TENM2: variants seen among roughly 807,000 people sequenced by gnomAD.
TENM2 encodes teneurin-2.
TENM2 carries 52 observed loss-of-function variants against 245.2 expected under a neutral mutation model. That is an observed-to-expected ratio of 0.21 (90% confidence interval 0.17 to 0.27). The LOEUF (loss-of-function observed/expected upper bound fraction) is 0.27, where lower values mean the gene tolerates loss of function less well. Ranked by LOEUF, TENM2 falls within the 10% of genes least tolerant of loss-of-function variation. The pLI, the probability that TENM2 is intolerant of heterozygous loss-of-function variation, is 1.00. For missense variants in TENM2, 3,046 were observed against 3,666.8 expected (o/e 0.83, Z 4.37); for synonymous variants, 1,363 against 1,438.9 (o/e 0.95, Z 1.19).
intron 2 of TENM2, among the ~76,000 whole-genome samples, chr5:167,466,458 A>G (rs1274624897): frequency 2.6e-5 from 4 of 152,220 alleles, no homozygotes; most frequent in Admixed American, 2.0e-4. Flanking sequence ...ATGTGTCTCA[A>G]TGCATACAAT....
intron 2 of TENM2, among the ~76,000 whole-genome samples, chr5:167,829,331 A>G (rs1768263612): frequency 1.3e-5 from 2 of 152,238 alleles, no homozygotes. Flanking sequence ...TTGAGGATAC[A>G]GTCTGGCTAC....
intron 2 of TENM2, among the ~76,000 whole-genome samples, chr5:167,651,120 A>G (rs1754431307): frequency 6.6e-6 from 1 of 151,862 alleles, no homozygotes. Context: ...AATTAGATGA[A>G]TACTCCTCAG....
chr5:168,100,956 C>T (rs999362016), intron 9 of TENM2, among the ~76,000 whole-genome samples: 3 of 151,656 alleles, frequency 2.0e-5, no homozygotes, highest in African/African-American at 7.3e-5. Flanking sequence ...AGATGCTGCC[C>T]GACAGCTCTC....
intron 2 of TENM2, among the ~76,000 whole-genome samples, chr5:167,517,216 T>A (rs1042749088): frequency 1.3e-5 from 2 of 152,188 alleles, no homozygotes; most frequent in African/African-American, 2.4e-5. Context: ...TCACAGACAC[T>A]TCATTGTAAT....
the TENM2 span, among the ~76,000 whole-genome samples, chr5:167,017,377 A>G: frequency 6.6e-6 from 1 of 152,188 alleles, no homozygotes; most frequent in Non-Finnish European, 1.5e-5. Flanking sequence ...CAGTTTCCCT[A>G]TGTGTACAAA....
At chr5:168,010,696 A>T (rs2152073437) in intron 5 of TENM2, among the ~76,000 whole-genome samples, 1 of 152,328 alleles carries the variant, frequency 6.6e-6, no homozygotes, top group Admixed American at 6.5e-5. Context: ...AAGCCCTGAA[A>T]ATTATTGGAA....
At chr5:168,110,734 T>A (rs1272153678) in intron 9 of TENM2, among the ~76,000 whole-genome samples, 2 of 152,212 alleles carry the variant, frequency 1.3e-5, no homozygotes, top group Admixed American at 1.3e-4. Context: ...AAAAGCTTAC[T>A]GTGTACTCCG....
At chr5:168,194,669 G>A (rs1437312950) in intron 14 of TENM2, among the ~76,000 whole-genome samples, 2 of 152,058 alleles carry the variant, frequency 1.3e-5, no homozygotes, top group African/African-American at 4.8e-5. Flanking sequence ...GAGAAATTTT[G>A]CTCTTAGAGG....
intron 4 of TENM2, among the ~76,000 whole-genome samples, chr5:167,991,227 G>A (rs1295543142): frequency 6.6e-6 from 1 of 152,180 alleles, no homozygotes; most frequent in East Asian, 1.9e-4. Context: ...GGAAATAACT[G>A]TAGTAACATT....
chr5:167,452,321 C>G (rs897705311), intron 2 of TENM2, among the ~76,000 whole-genome samples: 1 of 152,114 alleles, frequency 6.6e-6, no homozygotes, highest in Non-Finnish European at 1.5e-5. Flanking sequence ...TGTTATGGCT[C>G]TCTTGTCTTC....
chr5:168,066,828 G>A (rs1790548601), intron 7 of TENM2, among the ~76,000 whole-genome samples: 2 of 152,168 alleles, frequency 1.3e-5, no homozygotes, highest in Admixed American at 6.5e-5. Context: ...GATTTGCTCA[G>A]CCCTGGTTCT....
the TENM2 span, among the ~76,000 whole-genome samples, chr5:166,980,870 A>AT: frequency 5.3e-5 from 8 of 152,170 alleles, no homozygotes; most frequent in Non-Finnish European, 8.8e-5. Flanking sequence ...CAGAGGGAAA[A>AT]TGTTGTTATT....
intron 2 of TENM2, among the ~76,000 whole-genome samples, chr5:167,470,454 CTTTTTT>C (rs749016436): frequency 3.0e-4 from 14 of 47,394 alleles, no homozygotes; most frequent in African/African-American, 4.2e-4. Flanking sequence ...GCAATGCTTG[CTTTTTT>C]TTTTTTTTTT....
intron 12 of TENM2, among the ~76,000 whole-genome samples, chr5:168,138,305 C>T (rs1001651927): frequency 1.3e-5 from 2 of 152,212 alleles, no homozygotes; most frequent in Non-Finnish European, 2.9e-5. Context: ...CTACGACCTA[C>T]TGTATTGAGG....
chr5:167,673,520 G>A (rs534618342), intron 2 of TENM2, among the ~76,000 whole-genome samples: 1 of 152,190 alleles, frequency 6.6e-6, no homozygotes, highest in South Asian at 2.1e-4. Flanking sequence ...CATCCACTAT[G>A]TAAACTATAT....
At chr5:168,245,268 G>A (rs907912348) in intron 26 of TENM2, among the ~76,000 whole-genome samples, 1 of 151,918 alleles carries the variant, frequency 6.6e-6, no homozygotes, top group African/African-American at 2.4e-5. Flanking sequence ...ATGGCAAAAA[G>A]GACGAATTGT....
Position 167,993,034 on chromosome 5 carries a change from G to A in TENM2, c.1038G>A (p.Thr346=), listed in dbSNP as rs200992047. ...CTTTGACCTCAGGAACGGTTTACAC[G>A]CCCCCGCCCCGCCTGCTGCCCAGGA... is the stretch of plus-strand genomic sequence containing the variant. The change falls in exon 5 of 29, where the codon ACG becomes ACA. Residue 346 remains threonine, a synonymous_variant. Coordinates refer to ENST00000518659, the Ensembl canonical transcript of TENM2. 388 of 1,613,748 alleles carry A rather than the reference G, an allele frequency of 2.4e-4. 2 individuals carry two copies. Among genetic ancestry groups the A allele is most frequent in the Middle Eastern group, 1.6e-4 (1 of 6,084 alleles).
At chr5:167,157,978 G>A in the TENM2 span, among the ~76,000 whole-genome samples, 1 of 152,030 alleles carries the variant, frequency 6.6e-6, no homozygotes, top group African/African-American at 2.4e-5. Context: ...CTCTCGTTTT[G>A]GATTGTTTTC....
At chr5:167,413,712 A>C (rs1763024538) in intron 2 of TENM2, among the ~76,000 whole-genome samples, 1 of 152,172 alleles carries the variant, frequency 6.6e-6, no homozygotes, top group Admixed American at 6.6e-5. Flanking sequence ...GTATAAAATC[A>C]TAAAACTTTC....
Sources: allele counts gnomAD v4.1 joint callset (sites outside exome capture counted in the v4.1 genomes callset), GRCh38; gene constraint gnomAD v4.1.1; transcripts MANE v1.5; gene names NCBI Gene and HGNC (gene_info 2026-07-23, HGNC 2026-07-21).